PIP5K1A: variants seen among roughly 807,000 people sequenced by gnomAD.
PIP5K1A encodes phosphatidylinositol 4-phosphate 5-kinase type-1 alpha.
In PIP5K1A, 46 loss-of-function variants were observed where a neutral mutation model predicts 72.9. The ratio of observed to expected loss-of-function variants is 0.63; its 90% CI spans 0.50 to 0.81. PIP5K1A has a LOEUF of 0.81. PIP5K1A is among the 30% of genes least tolerant of loss of function. The pLI, the probability that PIP5K1A is intolerant of heterozygous loss-of-function variation, is 0.00. For missense variants in PIP5K1A, 458 were observed against 706.1 expected, an observed-to-expected ratio of 0.65 and a Z score of 3.98; for synonymous variants, 228 against 255.1, an observed-to-expected ratio of 0.89 and a Z score of 1.01.
intron 1 of PIP5K1A, among the ~76,000 whole-genome samples, chr1:151,210,630 G>A (rs1686673103): frequency 6.6e-6 from 1 of 152,240 alleles, no homozygotes; most frequent in South Asian, 2.1e-4. Context: ...TGTTGCCCAG[G>A]CTGGAGTGTA....
intron 8 of PIP5K1A, among the ~76,000 whole-genome samples, chr1:151,235,968 A>G (rs370433582): frequency 6.6e-6 from 1 of 151,788 alleles, no homozygotes; most frequent in African/African-American, 2.4e-5. Flanking sequence ...TAAAAATACA[A>G]AAATTAGCTG....
At chr1:151,234,965 CA>C (rs1690647977) in intron 8 of PIP5K1A, among the ~76,000 whole-genome samples, 1 of 152,230 alleles carries the variant, frequency 6.6e-6, no homozygotes, top group East Asian at 1.9e-4. Context: ...CTAATCAAAC[CA>C]TTTTCTGACT....
chr1:151,236,816 C>CTTT, intron 9 of PIP5K1A, 53 bp downstream of exon 9: 16 of 500,128 alleles, frequency 3.2e-5, no homozygotes, highest in South Asian at 1.8e-4. Context: ...CAGCACTTTT[C>CTTT]TTTTCTTTTT....
intron 1 of PIP5K1A, among the ~76,000 whole-genome samples, chr1:151,208,360 T>C (rs1290843706): frequency 9.1e-6 from 1 of 109,512 alleles, no homozygotes; most frequent in African/African-American, 3.4e-5. Flanking sequence ...GGTTTTCTTT[T>C]CTTTTTTTTT....
At position 151,198,905 on chromosome 1, in the gene PIP5K1A, C is replaced by T. The variant is rs11558862; in HGVS notation, c.-92C>T. ...GGAGGTGGCCCACAGAACGCGGGTT[C>T]TGTAAAGAGACGTTGGGAAGATTCG... On this transcript the variant is annotated 5_prime_UTR_variant, in exon 1 of 16. Transcript: ENST00000368888. The T allele has an allele frequency of 1.2e-3, 1,586 of 1,284,554 alleles. 4 individuals are homozygous for T. Among genetic ancestry groups the T allele is most frequent in the Non-Finnish European group, 1.3e-3 (1,132 of 894,930 alleles). The allele number at this position is 1,284,554 out of a possible 1,614,324, so 79.6% of individuals were successfully genotyped here.
Position 151,198,908 on chromosome 1 carries a change from TA to T in PIP5K1A, c.-86del. On this transcript the variant is annotated 5_prime_UTR_variant, in exon 1 of 16. Transcript: ENST00000368888. ...GGTGGCCCACAGAACGCGGGTTCTG[TA>T]AAGAGACGTTGGGAAGATTCGATTC... 1 of 1,321,174 alleles carries T rather than the reference TA, an allele frequency of 7.6e-7. No individual in the cohort carries two copies. The allele number at this position is 1,321,174 out of a possible 1,614,324, so 81.8% of individuals were successfully genotyped here. A position where few individuals can be genotyped will look rare whatever the true frequency, so the allele number is the denominator to read the frequency against.
intron 8 of PIP5K1A, among the ~76,000 whole-genome samples, chr1:151,235,402 C>T (rs1690709363): frequency 6.6e-6 from 1 of 152,166 alleles, no homozygotes; most frequent in East Asian, 1.9e-4. Flanking sequence ...CTCTTGACCT[C>T]TGTACTCTTC....
intron 4 of PIP5K1A, among the ~76,000 whole-genome samples, chr1:151,228,261 C>T (rs1380398896): frequency 6.6e-6 from 1 of 152,062 alleles, no homozygotes; most frequent in East Asian, 1.9e-4. Context: ...AAGTGATCTT[C>T]CTGCCTCAAC....
chr1:151,243,093 C>T (rs1437272319), intron 14 of PIP5K1A, among the ~76,000 whole-genome samples: 1 of 152,204 alleles, frequency 6.6e-6, no homozygotes, highest in East Asian at 1.9e-4. Context: ...TCACTAAATG[C>T]AGCCCACACT....
intron 1 of PIP5K1A, among the ~76,000 whole-genome samples, chr1:151,221,344 A>G (rs1688371160): frequency 6.6e-6 from 1 of 152,206 alleles, no homozygotes; most frequent in East Asian, 1.9e-4. Context: ...CATTAAACTA[A>G]GGCTGAGATG....
chr1:151,239,321 G>A, intron 11 of PIP5K1A, 143 bp downstream of exon 11: 2 of 571,952 alleles, frequency 3.5e-6, no homozygotes. Flanking sequence ...CACCCAGGCT[G>A]GAGTGCAGTG....
Position 151,234,265 on chromosome 1 carries a change from C to G in PIP5K1A, c.708C>G (p.Gly236=). 1 of 1,613,830 alleles carries G rather than the reference C, an allele frequency of 6.2e-7. No individual in the cohort carries two copies. The highest frequency in any genetic ancestry group is 8.5e-7 in the Non-Finnish European group (1 of 1,179,754). The change falls in exon 8 of 16, where the codon GGC becomes GGG. Residue 236 remains glycine (G), a synonymous_variant. Transcript: ENST00000368888. The part of the protein sequence containing the change: ...FYGLYCVQAG[G]KNIRIVVMNN... ...GACTGTACTGTGTGCAGGCAGGTGG[C>G]AAGAACATTCGGATTGTGGTGATGA...
intron 4 of PIP5K1A, among the ~76,000 whole-genome samples, chr1:151,229,961 G>A (rs187246589): frequency 3.0e-4 from 46 of 152,044 alleles, no homozygotes; most frequent in African/African-American, 1.1e-3. Context: ...GGTGGCTTGC[G>A]CCTGTAGTCC....
At chr1:151,200,543 T>G (rs1685077884) in intron 1 of PIP5K1A, among the ~76,000 whole-genome samples, 1 of 152,064 alleles carries the variant, frequency 6.6e-6, no homozygotes, top group African/African-American at 2.4e-5. Flanking sequence ...TGCTTGAGAT[T>G]TTGGTATTTC....
At chr1:151,243,877 C>G (rs1218049896) in intron 14 of PIP5K1A, among the ~76,000 whole-genome samples, 2 of 152,112 alleles carry the variant, frequency 1.3e-5, no homozygotes, top group Non-Finnish European at 2.9e-5. Context: ...TTTATGAGAC[C>G]TAAGCTTCTT....
intron 1 of PIP5K1A, among the ~76,000 whole-genome samples, chr1:151,199,637 G>T (rs1303715153): frequency 1.3e-5 from 2 of 151,512 alleles, no homozygotes; most frequent in African/African-American, 2.4e-5. Context: ...AAGAAGTTGC[G>T]GTAGGAAACA....
intron 1 of PIP5K1A, among the ~76,000 whole-genome samples, chr1:151,205,390 G>A (rs1326729564): frequency 6.6e-6 from 1 of 151,930 alleles, no homozygotes; most frequent in South Asian, 2.1e-4. Context: ...TGGCCAGGCT[G>A]GCCTTGAACT....
chr1:151,227,455 G>A, intron 4 of PIP5K1A, 55 bp downstream of exon 4: 2 of 1,148,382 alleles, frequency 1.7e-6, no homozygotes, highest in South Asian at 2.5e-5. Flanking sequence ...AGCTTACTCT[G>A]GGAACTCAGT....
chr1:151,205,056 G>A (rs1259213334), intron 1 of PIP5K1A, among the ~76,000 whole-genome samples: 1 of 152,154 alleles, frequency 6.6e-6, no homozygotes, highest in East Asian at 1.9e-4. Flanking sequence ...GGATAATAAA[G>A]TGGAAACTAT....
Sources: gnomAD v4.1 joint callset for allele counts (sites outside exome capture counted in the v4.1 genomes callset) on GRCh38, gnomAD v4.1.1 for gene constraint, MANE v1.5 for transcripts, NCBI Gene and HGNC (gene_info 2026-07-23, HGNC 2026-07-21) for gene names.